The following TJP2 variants were observed in gnomAD, a reference collection of about 807,000 sequenced individuals.
TJP2 encodes the protein Friedreich ataxia region gene X104 (tight junction protein ZO-2).
Under a neutral mutation model 133.1 loss-of-function variants are expected in TJP2, and 91 were observed. That is an observed-to-expected ratio of 0.68 (90% CI 0.58 to 0.81). The LOEUF (loss-of-function observed/expected upper bound fraction) is 0.81, where lower values mean the gene tolerates loss of function less well. TJP2 is among the 40% of genes least tolerant of loss of function. TJP2 has a pLI of 0.00. For synonymous variants in TJP2, 592 were observed against 583.4 expected (o/e 1.01, Z -0.21); for missense variants, 1,541 against 1,565.6 (o/e 0.98, Z 0.26).
At chr9:69,121,478 A>T (rs1188192581) in exon 1 of TJP2, 4 of 418,534 alleles carry the variant, frequency 9.6e-6, no homozygotes, top group Non-Finnish European at 1.3e-5. Flanking sequence ...TCAAACCTCT[A>T]AACAGGAAAT....
chr9:69,249,562 A>G, intron 20 of TJP2, 77 bp downstream of exon 20: 1 of 1,550,446 alleles, frequency 6.4e-7, no homozygotes, highest in Non-Finnish European at 8.7e-7. Context: ...GCCAGGGAGG[A>G]GCATGCACAC....
chr9:69,249,511 G>A (rs950604750), intron 20 of TJP2, 26 bp downstream of exon 20: 8 of 1,576,352 alleles, frequency 5.1e-6, no homozygotes, highest in Non-Finnish European at 4.3e-6. Context: ...GCCCAGGATG[G>A]GAAGGAAGAG....
intron 3 of TJP2, among the ~76,000 whole-genome samples, chr9:69,217,498 A>G (rs748688564): frequency 3.3e-5 from 5 of 152,158 alleles, no homozygotes; most frequent in Non-Finnish European, 7.4e-5. Flanking sequence ...GCTTGAGGCC[A>G]GGTGTTCAAG....
chr9:69,141,715 C>T (rs1823026642), intron 1 of TJP2, among the ~76,000 whole-genome samples: 1 of 152,140 alleles, frequency 6.6e-6, no homozygotes, highest in South Asian at 2.1e-4. Flanking sequence ...CTCAGCCTCC[C>T]GAGTAGCTGG....
intron 1 of TJP2, chr9:69,122,083 C>T (rs1207551499): frequency 6.6e-6 from 1 of 152,288 alleles, no homozygotes; most frequent in African/African-American, 2.4e-5. Context: ...TGCCTGAACA[C>T]GCACCTGCGG....
In TJP2 at chr9:69,234,515, T is replaced by TG; in HGVS notation, c.1750dup (p.Val584GlyfsTer13). On this transcript the variant is annotated frameshift_variant, in exon 12 of 23. Coordinates refer to ENST00000377245, the MANE Select transcript of TJP2 (RefSeq NM_004817.4). LOFTEE classifies it high-confidence loss of function. ...CTGTTAGAAATCCCTAAAGGTGAAATGGTGACCATTTTAGCTCAGAGCCGA... is the reference window on the plus strand; with the variant it reads ...CTGTTAGAAATCCCTAAAGGTGAAATGGGTGACCATTTTAGCTCAGAGCCGA... 6.3e-7 allele frequency: 1 copy of TG among 1,597,118 alleles called. No individual in the cohort carries two copies. The highest frequency in any genetic ancestry group is 8.5e-7 in the Non-Finnish European group (1 of 1,175,398).
intron 1 of TJP2, chr9:69,151,573 G>T: frequency 8.1e-7 from 1 of 1,228,208 alleles, no homozygotes. Flanking sequence ...ATGGTATGTG[G>T]ACTTCAGTGC....
intron 1 of TJP2, among the ~76,000 whole-genome samples, chr9:69,208,333 G>T (rs973746911): frequency 9.2e-5 from 14 of 152,170 alleles, no homozygotes; most frequent in Non-Finnish European, 1.5e-5. Context: ...GTAAGAAGAA[G>T]CCTCGCAATC....
intron 1 of TJP2, among the ~76,000 whole-genome samples, chr9:69,182,319 A>C (rs892404239): frequency 3.3e-5 from 5 of 152,192 alleles, no homozygotes; most frequent in Non-Finnish European, 5.9e-5. Context: ...AATTTTCCAG[A>C]AATGGAGCTG....
In TJP2 at chr9:69,225,339, A is replaced by C; in HGVS notation, c.988A>C (p.Lys330Gln). 2.5e-6 allele frequency: 4 copies of C among 1,613,928 alleles called. No homozygotes were observed. Among genetic ancestry groups the C allele is most frequent in the Non-Finnish European group, 3.4e-6 (4 of 1,179,892 alleles). Residue 330 changes from lysine to glutamine, a missense_variant, in exon 6 of 23, where the codon AAG (lysine) becomes CAG (glutamine). By Grantham distance (53) the Lys-to-Gln change is moderately conservative. Transcript: ENST00000377245. ...GLRLGSQIFVKEMTRTGLATK... is the reference protein window; with the variant it reads ...GLRLGSQIFVQEMTRTGLATK... ...CCGGCTTGGGAGTCAGATCTTCGTA[A>C]AGGAAATGACCCGAACGGGTCTGGC...
intron 11 of TJP2, among the ~76,000 whole-genome samples, chr9:69,233,756 G>C (rs777722910): frequency 6.6e-6 from 1 of 151,668 alleles, no homozygotes; most frequent in Non-Finnish European, 1.5e-5. Flanking sequence ...CAGCCTGGGC[G>C]ACAGAGGGAG....
At chr9:69,150,850 A>G (rs755053530) in intron 1 of TJP2, among the ~76,000 whole-genome samples, 3 of 152,238 alleles carry the variant, frequency 2.0e-5, no homozygotes, top group Non-Finnish European at 4.4e-5. Context: ...CAAAGAGTAG[A>G]AACAACCCAA....
intron 1 of TJP2, among the ~76,000 whole-genome samples, chr9:69,182,858 G>A (rs1340391923): frequency 2.1e-5 from 3 of 145,534 alleles, no homozygotes; most frequent in African/African-American, 2.6e-5. Flanking sequence ...GTGCCATCTC[G>A]GCTCACCACA....
chr9:69,209,772 C>G (rs1462295110), intron 1 of TJP2, among the ~76,000 whole-genome samples: 18 of 150,876 alleles, frequency 1.2e-4, no homozygotes, highest in African/African-American at 4.4e-4. Context: ...AACAAAAAAA[C>G]TTTTTAACAA....
chr9:69,145,569 G>A lies in TJP2; in HGVS notation c.-130-6082G>A, dbSNP rs573245414. On this transcript the variant is annotated intron_variant, in intron 1 of 5. Coordinates refer to the TJP2 transcript ENST00000423935. Reference sequence around the variant, plus strand: ...TTGTGGTCTGCCCCCCCATCACCACGGTTGTGTTTAATAGATCTAGCTAGG... The same window carrying A: ...TTGTGGTCTGCCCCCCCATCACCACAGTTGTGTTTAATAGATCTAGCTAGG... The A allele has an allele frequency of 6.3e-5, 29 of 457,750 alleles. 1 individual carries two copies. The highest frequency in any genetic ancestry group is 5.2e-4 in the African/African-American group (26 of 49,718). The allele number at this position is 457,750 out of a possible 1,614,324, so 28.4% of individuals were successfully genotyped here.
At chr9:69,247,399 G>A (rs1831004622) in intron 18 of TJP2, among the ~76,000 whole-genome samples, 1 of 152,182 alleles carries the variant, frequency 6.6e-6, no homozygotes, top group South Asian at 2.1e-4. Context: ...GAAGCTTTTG[G>A]TGTTAGTATC....
chr9:69,184,452 A>G (rs1825714537), intron 1 of TJP2, among the ~76,000 whole-genome samples: 1 of 152,196 alleles, frequency 6.6e-6, no homozygotes, highest in African/African-American at 2.4e-5. Flanking sequence ...TGTCTGAGGA[A>G]TCCAACTTTT....
intron 10 of TJP2, 32 bp from the exon 11 acceptor site, chr9:69,230,050 A>G (rs368725581): frequency 1.2e-5 from 20 of 1,613,498 alleles, no homozygotes; most frequent in African/African-American, 4.0e-5. Context: ...AATATCTCCC[A>G]TCTTTCCTTT....
At chr9:69,228,270 AGCACAT>A (rs1470160321) in intron 9 of TJP2, among the ~76,000 whole-genome samples, 156 bp downstream of exon 9, 1 of 152,240 alleles carries the variant, frequency 6.6e-6, no homozygotes, top group Non-Finnish European at 1.5e-5. Flanking sequence ...AAAACCACAC[AGCACAT>A]GTTCTGACTT....
Sources: gnomAD v4.1 joint callset for allele counts (sites outside exome capture counted in the v4.1 genomes callset) on GRCh38, gnomAD v4.1.1 for gene constraint, MANE v1.5 for transcripts, NCBI Gene and HGNC (gene_info 2026-07-23, HGNC 2026-07-21) for gene names.